Variants in PRKG1 observed in about 807,000 individuals in gnomAD.
PRKG1 encodes the protein protein kinase cGMP-dependent 1, also known as cGMP-dependent protein kinase 1.
PRKG1 carries 35 observed loss-of-function variants against 88.1 expected under a neutral mutation model. The observed-to-expected ratio is 0.40, with a 90% CI of 0.30 to 0.53. The LOEUF (loss-of-function observed/expected upper bound fraction) is 0.53. Ranked by LOEUF, PRKG1 falls within the 20% of genes least tolerant of loss-of-function variation. PRKG1 has a pLI of 0.59. For missense variants in PRKG1, 540 were observed against 839.8 expected (o/e 0.64, Z 4.41); for synonymous variants, 303 against 292.5 (o/e 1.04, Z -0.37).
chr10:52,279,207 A>T (rs1589754981), intron 12 of PRKG1, among the ~76,000 whole-genome samples: 2 of 152,308 alleles, frequency 1.3e-5, no homozygotes, highest in Admixed American at 1.3e-4. Flanking sequence ...ACATACAATT[A>T]TAAAATTTTA....
At chr10:51,445,807 A>G (rs1839256008) in intron 2 of PRKG1, among the ~76,000 whole-genome samples, 1 of 151,896 alleles carries the variant, frequency 6.6e-6, no homozygotes, top group Admixed American at 6.6e-5. Flanking sequence ...TGCTAACTGA[A>G]TAAGTAGGTT....
intron 3 of PRKG1, among the ~76,000 whole-genome samples, chr10:51,556,431 A>C (rs552198794): frequency 1.1e-3 from 166 of 150,626 alleles, no homozygotes; most frequent in African/African-American, 3.7e-3. Context: ...TTTTTTTTAC[A>C]CTCAAAGTAT....
chr10:51,743,716 A>ATATATATTTATATATATAATTTAT (rs1564629935), intron 3 of PRKG1, among the ~76,000 whole-genome samples: 1 of 98,798 alleles, frequency 1.0e-5, no homozygotes, highest in African/African-American at 4.3e-5. Flanking sequence ...AACTAAATAT[A>ATATATATTTATATATATAATTTAT]TATATATATA....
At chr10:52,108,728 A>T (rs1847483118) in intron 7 of PRKG1, among the ~76,000 whole-genome samples, 1 of 152,052 alleles carries the variant, frequency 6.6e-6, no homozygotes, top group Non-Finnish European at 1.5e-5. Flanking sequence ...TACATAATCT[A>T]TTAACAAAAT....
intron 7 of PRKG1, among the ~76,000 whole-genome samples, chr10:52,120,473 T>G (rs1169034810): frequency 6.6e-6 from 1 of 152,128 alleles, no homozygotes; most frequent in East Asian, 1.9e-4. Flanking sequence ...ACAAATTCTC[T>G]CCAGCTGTGA....
At chr10:52,127,729 T>C (rs895992952) in intron 7 of PRKG1, among the ~76,000 whole-genome samples, 2 of 152,176 alleles carry the variant, frequency 1.3e-5, no homozygotes, top group East Asian at 1.9e-4. Flanking sequence ...CATTTATTGG[T>C]TGATTACTCT....
chr10:52,154,342 T>C (rs1290542066), intron 8 of PRKG1, among the ~76,000 whole-genome samples: 4 of 152,236 alleles, frequency 2.6e-5, no homozygotes, highest in Non-Finnish European at 5.9e-5. Flanking sequence ...AAAACACAAG[T>C]CCACTGATCT....
intron 2 of PRKG1, among the ~76,000 whole-genome samples, chr10:51,163,924 C>T (rs1207674025): frequency 6.6e-6 from 1 of 152,206 alleles, no homozygotes; most frequent in African/African-American, 2.4e-5. Context: ...CACCACAGCT[C>T]AAGGAGGCCT....
At chr10:51,357,955 T>C (rs181950613) in intron 2 of PRKG1, among the ~76,000 whole-genome samples, 173 of 152,130 alleles carry the variant, frequency 1.1e-3, no homozygotes, top group Non-Finnish European at 2.0e-3. Flanking sequence ...ATTAGGGATT[T>C]CTAGATTTTT....
At chr10:51,214,769 A>G (rs767982093) in intron 2 of PRKG1, among the ~76,000 whole-genome samples, 5 of 152,068 alleles carry the variant, frequency 3.3e-5, no homozygotes, top group Non-Finnish European at 7.4e-5. Context: ...GAACCACCAC[A>G]ATCAGGCCCG....
rs77117798 is a variant in PRKG1, at chr10:51,966,389, T to A, written c.762+58819T>A. 4.9e-3 allele frequency among the ~76,000 whole-genome samples: 752 copies of A among 152,254 alleles called. 8 individuals are homozygous for A. The highest frequency in any genetic ancestry group is 0.017 in the African/African-American group (718 of 41,562). On this transcript the variant is annotated intron_variant, in intron 5 of 17. Coordinates refer to ENST00000373980, the MANE Select transcript of PRKG1 (RefSeq NM_006258.4). ...ACTTTCTTACATATGAATTCAACAT[T>A]TTTTTGTGTCATTTTCTGCTTTAAT... is the stretch of plus-strand genomic sequence containing the variant.
chr10:51,584,080 AC>A (rs1838111480), intron 3 of PRKG1, among the ~76,000 whole-genome samples: 1 of 152,092 alleles, frequency 6.6e-6, no homozygotes, highest in Non-Finnish European at 1.5e-5. Flanking sequence ...CTCAGAAGTA[AC>A]ATTTCCCAGG....
At chr10:51,986,561 G>C (rs922967099) in intron 5 of PRKG1, among the ~76,000 whole-genome samples, 3 of 152,204 alleles carry the variant, frequency 2.0e-5, no homozygotes, top group African/African-American at 7.2e-5. Context: ...CCAGAGTAAT[G>C]CTGGGATGTT....
At chr10:51,343,106 A>G (rs1362857717) in intron 2 of PRKG1, among the ~76,000 whole-genome samples, 1 of 152,226 alleles carries the variant, frequency 6.6e-6, no homozygotes, top group African/African-American at 2.4e-5. Context: ...ATTCACTGCA[A>G]TGTGAGCTTC....
chr10:51,312,409 G>A (rs184569018), intron 2 of PRKG1, among the ~76,000 whole-genome samples: 5 of 152,292 alleles, frequency 3.3e-5, no homozygotes, highest in African/African-American at 9.6e-5. Flanking sequence ...GGAAAACTGC[G>A]CTATGACAAA....
chr10:51,533,800 A>G (rs1251054545), intron 3 of PRKG1, among the ~76,000 whole-genome samples: 1 of 152,184 alleles, frequency 6.6e-6, no homozygotes, highest in Non-Finnish European at 1.5e-5. Context: ...GAGAGCTTCC[A>G]GTTGTGGGTG....
At chr10:52,183,274 T>G (rs955461911) in intron 9 of PRKG1, among the ~76,000 whole-genome samples, 8 of 152,170 alleles carry the variant, frequency 5.3e-5, no homozygotes, top group Non-Finnish European at 1.0e-4. Context: ...CTTATGAATA[T>G]GGGCATGGGG....
rs138262609 is a variant in PRKG1, at chr10:51,987,436, A to C, written c.763-67048A>C. 3.6e-4 allele frequency among the ~76,000 whole-genome samples: 55 copies of C among 151,412 alleles called. No homozygotes were observed. In the East Asian group the frequency reaches 0.01, roughly 29 times the overall value. ...GGTAGAAGCTTTGTTAAATGTTGAC[A>C]TGTAAAATCTTCTACTCATTACTTT... On this transcript the variant is annotated intron_variant, in intron 5 of 17. Transcript: ENST00000373980.
chr10:51,731,822 A>C (rs1313585915), intron 3 of PRKG1, among the ~76,000 whole-genome samples: 1 of 152,214 alleles, frequency 6.6e-6, no homozygotes, highest in African/African-American at 2.4e-5. Context: ...TTATTTTCTC[A>C]AAGTTCTGGA....
Sources: allele counts gnomAD v4.1 joint callset (sites outside exome capture counted in the v4.1 genomes callset), GRCh38; gene constraint gnomAD v4.1.1; transcripts MANE v1.5; gene names NCBI Gene and HGNC (gene_info 2026-07-23, HGNC 2026-07-21).